SLC30A9: variants seen among roughly 807,000 people sequenced by gnomAD.
SLC30A9 encodes solute carrier family 30 member 9, also known as proton-coupled zinc antiporter SLC30A9, mitochondrial.
A neutral mutation model predicts 87.5 loss-of-function variants in SLC30A9; 58 were observed. The ratio of observed to expected loss-of-function variants is 0.66; its 90% confidence interval spans 0.54 to 0.82. The LOEUF is 0.82. Ranked by LOEUF, SLC30A9 falls within the 40% of genes least tolerant of loss-of-function variation. The pLI is 0.00. For missense variants in SLC30A9, 557 were observed against 679.1 expected (o/e 0.82, Z 2.00); for synonymous variants, 234 against 233.0 (o/e 1.00, Z -0.04).
At position 42,070,689 on chromosome 4, in the gene SLC30A9, A is replaced by AT. The variant is rs1239375755; in HGVS notation, c.1416_1417insT (p.Arg473Ter). On this transcript the variant is annotated frameshift_variant and splice_region_variant, in exon 15 of 18. Transcript: ENST00000264451. LOFTEE classifies it high-confidence loss of function. ...AACTCCTGGAGAATGACCCATCAGT[A>AT]AGGTCAGCCTTATTCCAGTAATCCT... The AT allele has an allele frequency of 8.7e-6, 14 of 1,613,186 alleles. No homozygotes were observed. Among genetic ancestry groups the AT allele is most frequent in the Non-Finnish European group, 1.2e-5 (14 of 1,179,480 alleles).
intron 13 of SLC30A9, 130 bp from the exon 14 acceptor site, chr4:42,066,953 CAT>C (rs2153140265): frequency 1.7e-6 from 1 of 588,696 alleles, no homozygotes; most frequent in East Asian, 2.8e-5. Context: ...TTTTTAAAAT[CAT>C]AATCTCTCAT....
intron 9 of SLC30A9, 44 bp downstream of exon 9, chr4:42,049,523 G>A (rs758025850): frequency 1.5e-5 from 15 of 1,013,832 alleles, no homozygotes; most frequent in Non-Finnish European, 2.0e-5. Context: ...TAAAGTAATA[G>A]TTGTAGGCTT....
At chr4:41,995,124 G>A (rs1714642780) in intron 1 of SLC30A9, among the ~76,000 whole-genome samples, 1 of 152,146 alleles carries the variant, frequency 6.6e-6, no homozygotes, top group African/African-American at 2.4e-5. Flanking sequence ...GCTGGGCATG[G>A]TGGCAGGCGC....
At chr4:41,998,222 G>A (rs2153132489) in intron 1 of SLC30A9, among the ~76,000 whole-genome samples, 1 of 152,300 alleles carries the variant, frequency 6.6e-6, no homozygotes, top group East Asian at 1.9e-4. Flanking sequence ...TAAAGACGGA[G>A]AAGTGTGGCT....
intron 6 of SLC30A9, chr4:42,030,206 A>G: frequency 2.6e-6 from 1 of 382,304 alleles, no homozygotes; most frequent in Non-Finnish European, 4.5e-6. Flanking sequence ...ACAAACTGTC[A>G]TATGTATGGG....
At chr4:41,996,801 A>G (rs1197732979) in intron 1 of SLC30A9, among the ~76,000 whole-genome samples, 3 of 152,142 alleles carry the variant, frequency 2.0e-5, no homozygotes, top group Non-Finnish European at 2.9e-5. Context: ...TGGGAGGCCA[A>G]GGAGGGTGGA....
chr4:42,040,668 C>T (rs1412878226), intron 8 of SLC30A9, among the ~76,000 whole-genome samples: 1 of 151,646 alleles, frequency 6.6e-6, no homozygotes, highest in Admixed American at 6.6e-5. Context: ...TAGTGGTGGG[C>T]GCCTGTAGTC....
intron 10 of SLC30A9, 134 bp from the exon 11 acceptor site, chr4:42,062,849 GGCA>G: frequency 2.9e-6 from 2 of 696,192 alleles, no homozygotes; most frequent in Non-Finnish European, 4.6e-6. Context: ...TTTCAAGTTT[GGCA>G]CTTAACATCT....
At chr4:42,006,378 T>C (rs1715201589) in intron 2 of SLC30A9, among the ~76,000 whole-genome samples, 1 of 152,080 alleles carries the variant, frequency 6.6e-6, no homozygotes, top group African/African-American at 2.4e-5. Context: ...TGATACCTCC[T>C]TGGAGACATG....
rs1425732443 is a variant in SLC30A9, at chr4:42,051,888, C to T, written c.840+2409C>T. Among the ~76,000 whole-genome samples the T allele has an allele frequency of 6.6e-5, 10 of 151,794 alleles. No individual in the cohort carries two copies. The East Asian group carries it at 1.7e-3, about 26-fold the overall frequency. ...GTATAACCCTGATGCCAAAATTTTA[C>T]GAAGTCATTATGAGAGGGAAAAAAC... On this transcript the variant is annotated intron_variant, in intron 9 of 17. Coordinates refer to ENST00000264451, the MANE Select transcript of SLC30A9 (RefSeq NM_006345.4).
At chr4:42,084,947 T>C (rs1435194539) in intron 17 of SLC30A9, among the ~76,000 whole-genome samples, 3 of 152,248 alleles carry the variant, frequency 2.0e-5, no homozygotes, top group Non-Finnish European at 4.4e-5. Flanking sequence ...TACACTTCAA[T>C]GCCTGGCACA....
chr4:42,063,811 G>A (rs918879847), intron 11 of SLC30A9, among the ~76,000 whole-genome samples: 3 of 152,108 alleles, frequency 2.0e-5, no homozygotes, highest in African/African-American at 7.2e-5. Context: ...GGCTATGGCT[G>A]CCCAAATTGA....
chr4:42,053,507 A>T (rs181286718), intron 9 of SLC30A9, among the ~76,000 whole-genome samples: 1 of 152,122 alleles, frequency 6.6e-6, no homozygotes, highest in Non-Finnish European at 1.5e-5. Flanking sequence ...CCTGGCCAAG[A>T]TGGTGAAATT....
chr4:42,026,723 TTC>T lies in SLC30A9; in HGVS notation c.610+3341_610+3342del, dbSNP rs1156405839. On this transcript the variant is annotated intron_variant, in intron 6 of 17. Coordinates refer to ENST00000264451, the MANE Select transcript of SLC30A9 (RefSeq NM_006345.4). ...GCCCTAAGTTTGTTCCTTTTTTTTT[TTC>T]TTTTCATCTTCTCTTTTGGTTTCTT... Among the ~76,000 whole-genome samples, 718 of 29,650 alleles carry T rather than the reference TTC, an allele frequency of 0.024. 9 individuals carry two copies. The South Asian group carries it at 0.25, about 10-fold the overall frequency. 19.5% of individuals were successfully genotyped at this position (29,650 alleles called of 152,430 possible).
intron 15 of SLC30A9, among the ~76,000 whole-genome samples, chr4:42,073,097 C>T (rs1427858129): frequency 1.3e-5 from 2 of 152,066 alleles, no homozygotes; most frequent in Non-Finnish European, 2.9e-5. Flanking sequence ...TGGTCTCAAA[C>T]TCCTGACCTC....
At chr4:42,010,973 C>T (rs1181364850) in intron 2 of SLC30A9, among the ~76,000 whole-genome samples, 1 of 152,022 alleles carries the variant, frequency 6.6e-6, no homozygotes, top group Non-Finnish European at 1.5e-5. Flanking sequence ...TGAACTTATC[C>T]ACCCACCCCC....
chr4:42,017,252 A>G (rs549869635), intron 2 of SLC30A9, among the ~76,000 whole-genome samples: 16 of 151,056 alleles, frequency 1.1e-4, no homozygotes, highest in African/African-American at 2.9e-4. Context: ...TGTCCTTCCT[A>G]TTTTTTCTAA....
intron 13 of SLC30A9, among the ~76,000 whole-genome samples, 148 bp from the exon 14 acceptor site, chr4:42,066,914 CCAAGAAATTATGTTTGCATTGAG>C (rs1219307091): frequency 2.0e-5 from 3 of 152,096 alleles, no homozygotes; most frequent in Non-Finnish European, 4.4e-5. Context: ...GACATTTAAG[CCAAGAAATTATGTTTGCATTGAG>C]CAAGGTTTTT....
chr4:42,007,926 T>A (rs1715284145), intron 2 of SLC30A9, among the ~76,000 whole-genome samples: 1 of 152,172 alleles, frequency 6.6e-6, no homozygotes, highest in Non-Finnish European at 1.5e-5. Context: ...TAAAAACAGA[T>A]CATGTCACTT....
Sources: gnomAD v4.1 joint callset for allele counts (sites outside exome capture counted in the v4.1 genomes callset) on GRCh38, gnomAD v4.1.1 for gene constraint, MANE v1.5 for transcripts, NCBI Gene and HGNC (gene_info 2026-07-23, HGNC 2026-07-21) for gene names.